CHCHD5: variants seen among roughly 807,000 people sequenced by gnomAD.
CHCHD5 encodes the protein coiled-coil-helix-coiled-coil-helix domain containing 5, also known as coiled-coil-helix-coiled-coil-helix domain-containing protein 5.
CHCHD5 carries 10 observed loss-of-function variants against 16.0 expected under a neutral mutation model. The ratio of observed to expected loss-of-function variants is 0.63; its 90% confidence interval spans 0.39 to 1.06. CHCHD5 has a LOEUF of 1.06. CHCHD5 is among the 50% of genes least tolerant of loss of function. CHCHD5 has a pLI of 0.01. For missense variants in CHCHD5, 163 were observed against 153.4 expected (o/e 1.06, Z -0.33); for synonymous variants, 55 against 56.3 (o/e 0.98, Z 0.10).
Position 112,588,922 on chromosome 2 carries a change from A to C in CHCHD5, c.*33A>C. Reference sequence around the variant, plus strand: ...TCTGACGGCAGGAAAACTGGACATGAATGACTGCCCCCACGCCCCTCCCCT... The same window carrying C: ...TCTGACGGCAGGAAAACTGGACATGCATGACTGCCCCCACGCCCCTCCCCT... On this transcript the variant is annotated 3_prime_UTR_variant, in exon 4 of 4. Coordinates refer to ENST00000324913, the MANE Select transcript of CHCHD5 (RefSeq NM_032309.4). The C allele has an allele frequency of 1.9e-6, 3 of 1,581,038 alleles. No individual in the cohort carries two copies. The highest frequency in any genetic ancestry group is 2.6e-6 in the Non-Finnish European group (3 of 1,150,172).
intron 3 of CHCHD5, 85 bp from the exon 4 acceptor site, chr2:112,588,781 G>C (rs1685297847): frequency 9.5e-7 from 1 of 1,050,428 alleles, no homozygotes; most frequent in Admixed American, 1.7e-5. Flanking sequence ...GGGCTCTGCA[G>C]GGTCTCCCTC....
At position 112,589,007 on chromosome 2, in the gene CHCHD5, G is replaced by A; in HGVS notation, c.*118G>A. On this transcript the variant is annotated 3_prime_UTR_variant, in exon 4 of 4. Coordinates refer to ENST00000324913, the MANE Select transcript of CHCHD5 (RefSeq NM_032309.4). ...ATGGGCCCGGCTTTCCTGGATATCA[G>A]GACTTCCAATAAATAAAGACTCTGT... The A allele has an allele frequency of 1.4e-6, 1 of 726,398 alleles. No homozygotes were observed. Among genetic ancestry groups the A allele is most frequent in the South Asian group, 1.6e-5 (1 of 62,076 alleles). The allele number at this position is 726,398 out of a possible 1,614,324, so 45.0% of individuals were successfully genotyped here.
intron 3 of CHCHD5, 41 bp downstream of exon 3, chr2:112,586,406 C>T (rs1425092367): frequency 1.2e-6 from 2 of 1,613,696 alleles, no homozygotes; most frequent in Non-Finnish European, 8.5e-7. Flanking sequence ...TTCTCCATAA[C>T]ATCCCCTTCA....
chr2:112,586,392 T>C, intron 3 of CHCHD5, 27 bp downstream of exon 3: 1 of 1,614,130 alleles, frequency 6.2e-7, no homozygotes, highest in South Asian at 1.1e-5. Flanking sequence ...TCAGTTCATC[T>C]CTTTTCTCCA....
chr2:112,585,928 G>A, intron 1 of CHCHD5, 46 bp from the exon 2 acceptor site: 1 of 1,570,800 alleles, frequency 6.4e-7, no homozygotes, highest in Non-Finnish European at 8.6e-7. Flanking sequence ...GAATTCCCTT[G>A]CTTGCCTACT....
chr2:112,587,616 T>C (rs1480986510), intron 3 of CHCHD5: 1 of 152,180 alleles, frequency 6.6e-6, no homozygotes, highest in Non-Finnish European at 1.5e-5. Context: ...CCTATGCCTG[T>C]GTCAAGGGAG....
intron 1 of CHCHD5, chr2:112,585,004 T>A: frequency 3.1e-6 from 1 of 319,778 alleles, no homozygotes; most frequent in South Asian, 6.1e-5. Context: ...AGCTCCAGGT[T>A]CCTCCCCCTT....
chr2:112,586,374 G>T lies in CHCHD5; in HGVS notation c.309+9G>T. The stretch of plus-strand genomic sequence containing the variant: ...CACCTGCAACTGTGGAGGTAAGAGG[G>T]GCTCACCTCAGTTCATCTCTTTTCT... On this transcript the variant is annotated intron_variant, in intron 3 of 3. Transcript: ENST00000324913. The T allele has an allele frequency of 6.2e-7, 1 of 1,614,174 alleles. No homozygotes were observed. Among genetic ancestry groups the T allele is most frequent in the Non-Finnish European group, 8.5e-7 (1 of 1,180,026 alleles).
At chr2:112,584,963 G>GC in intron 1 of CHCHD5, 2 of 488,678 alleles carry the variant, frequency 4.1e-6, no homozygotes, top group Admixed American at 3.3e-5. Flanking sequence ...ACTTATTTAG[G>GC]GACCTCTATG....
In CHCHD5 at chr2:112,588,936, C is replaced by T. The variant is rs771667091; in HGVS notation, c.*47C>T. The T allele has an allele frequency of 1.4e-5, 21 of 1,454,150 alleles. No individual in the cohort carries two copies. Among genetic ancestry groups the T allele is most frequent in the Middle Eastern group, 1.7e-4 (1 of 5,824 alleles). The allele number at this position is 1,454,150 out of a possible 1,614,324, so 90.1% of individuals were successfully genotyped here. A position where few individuals can be genotyped will look rare whatever the true frequency, so the allele number is the denominator to read the frequency against. On this transcript the variant is annotated 3_prime_UTR_variant, in exon 4 of 4. Coordinates refer to ENST00000324913, the MANE Select transcript of CHCHD5 (RefSeq NM_032309.4). ...AACTGGACATGAATGACTGCCCCCA[C>T]GCCCCTCCCCTGCAGAGTGGCCAGA...
At chr2:112,584,757 C>G in intron 1 of CHCHD5, 108 bp downstream of exon 1, 2 of 1,327,650 alleles carry the variant, frequency 1.5e-6, no homozygotes, top group South Asian at 2.4e-5. Flanking sequence ...CTCCCTCCTT[C>G]TTGGAGATCT....
At chr2:112,585,071 C>T (rs1364179703) in intron 1 of CHCHD5, among the ~76,000 whole-genome samples, 1 of 152,182 alleles carries the variant, frequency 6.6e-6, no homozygotes, top group Non-Finnish European at 1.5e-5. Flanking sequence ...CCAGTCCTCA[C>T]CTATAGGGTC....
chr2:112,586,863 G>T, intron 3 of CHCHD5: 2 of 370,238 alleles, frequency 5.4e-6, no homozygotes, highest in African/African-American at 4.0e-5. Context: ...GCCAAAAAAA[G>T]GTCACTCTTT....
In CHCHD5 at chr2:112,585,162, G is replaced by A. The variant is rs531318316; in HGVS notation, c.2+513G>A. On this transcript the variant is annotated intron_variant, in intron 1 of 3. Transcript: ENST00000324913. Reference sequence around the variant, plus strand: ...CTCATCCAGGGCTTCCAGACTTCACGCCCCTGGGACCTTGAGTCCCGCACC... The same window carrying A: ...CTCATCCAGGGCTTCCAGACTTCACACCCCTGGGACCTTGAGTCCCGCACC... 2.6e-5 allele frequency among the ~76,000 whole-genome samples: 4 copies of A among 152,162 alleles called. No homozygotes were observed. In the South Asian group the frequency reaches 6.2e-4, roughly 24 times the overall value.
rs760719955 is a variant in CHCHD5 at position 112,586,076 on chromosome 2, C to A, written c.105C>A (p.His35Gln). Residue 35 changes from histidine to glutamine, a missense_variant, in exon 2 of 4, where the codon CAC becomes CAA. His to Gln is a conservative substitution (Grantham distance 24). Transcript: ENST00000324913. ...CGGAATCCTGGCAGCGGGACTGTCA[C>A]TACCTTAAGATGAGCATTGCCCAGT... ...AKPESWQRDC[H>Q]YLKMSIAQCT... The A allele has an allele frequency of 6.2e-7, 1 of 1,614,098 alleles. No individual in the cohort carries two copies. Among genetic ancestry groups the A allele is most frequent in the Non-Finnish European group, 8.5e-7 (1 of 1,180,002 alleles).
At position 112,586,438 on chromosome 2, in the gene CHCHD5, A is replaced by G; in HGVS notation, c.309+73A>G. 12 of 1,602,680 alleles carry G rather than the reference A, an allele frequency of 7.5e-6. No individual in the cohort carries two copies. The Middle Eastern group carries it at 5.0e-4, about 66-fold the overall frequency. On this transcript the variant is annotated intron_variant, in intron 3 of 3. Coordinates refer to ENST00000324913, the MANE Select transcript of CHCHD5 (RefSeq NM_032309.4). Reference sequence around the variant, plus strand: ...TTCATCCTTCTGGTTGTTCAGGGTAAAGACTTTGGAGTCATCCTCAGCCCC... The same window carrying G: ...TTCATCCTTCTGGTTGTTCAGGGTAGAGACTTTGGAGTCATCCTCAGCCCC...
chr2:112,586,896 C>G (rs1041272314), intron 3 of CHCHD5: 1 of 273,578 alleles, frequency 3.7e-6, no homozygotes, highest in Admixed American at 4.8e-5. Context: ...ATATGTAAAC[C>G]AGATATACAG....
Position 112,588,999 on chromosome 2 carries a change from G to A in CHCHD5, c.*110G>A, listed in dbSNP as rs2104607682. 2 of 758,384 alleles carry A rather than the reference G, an allele frequency of 2.6e-6. No homozygotes were observed. The highest frequency in any genetic ancestry group is 3.1e-5 in the South Asian group (2 of 64,158). 47.0% of individuals were successfully genotyped at this position (758,384 alleles called of 1,614,324 possible). The stretch of plus-strand genomic sequence containing the variant: ...CCCTGGACATGGGCCCGGCTTTCCT[G>A]GATATCAGGACTTCCAATAAATAAA... On this transcript the variant is annotated 3_prime_UTR_variant, in exon 4 of 4. Coordinates refer to ENST00000324913, the MANE Select transcript of CHCHD5 (RefSeq NM_032309.4).
chr2:112,585,705 C>T (rs1454073826), intron 1 of CHCHD5, among the ~76,000 whole-genome samples: 1 of 152,136 alleles, frequency 6.6e-6, no homozygotes, highest in Non-Finnish European at 1.5e-5. Flanking sequence ...TCAATACCAG[C>T]CTCGGCAACA....
Sources: gnomAD v4.1 joint callset for allele counts (sites outside exome capture counted in the v4.1 genomes callset) on GRCh38, gnomAD v4.1.1 for gene constraint, MANE v1.5 for transcripts, NCBI Gene and HGNC (gene_info 2026-07-23, HGNC 2026-07-21) for gene names.